SLC12A8: variants seen among roughly 807,000 people sequenced by gnomAD.
The protein encoded by SLC12A8 is cation-chloride cotransporter 9.
A neutral mutation model predicts 75.6 loss-of-function variants in SLC12A8; 69 were observed. That is an observed-to-expected ratio of 0.91 (90% CI 0.75 to 1.11). The LOEUF is 1.11. Among genes scored for constraint, SLC12A8 ranks in the 50% most tolerant of loss-of-function variants. SLC12A8 has a pLI of 0.00. For synonymous variants in SLC12A8, 365 were observed against 372.8 expected (o/e 0.98, Z 0.24); for missense variants, 877 against 896.7 (o/e 0.98, Z 0.28).
At position 125,083,881 on chromosome 3, in the gene SLC12A8, G is replaced by C; in HGVS notation, c.*9C>G. 2 of 1,610,060 alleles carry C rather than the reference G, an allele frequency of 1.2e-6. No homozygotes were observed. The highest frequency in any genetic ancestry group is 1.7e-6 in the Non-Finnish European group (2 of 1,178,224). On this transcript the variant is annotated 3_prime_UTR_variant, in exon 14 of 14. Coordinates refer to ENST00000469902, the MANE Select transcript of SLC12A8 (RefSeq NM_024628.6). ...ACAGCTCCAAAAGAGGAAGGTCCCA[G>C]CACTGCATCTAGTAGTGAGGCATCA...
chr3:125,165,022 G>A (rs1415365354), intron 5 of SLC12A8, among the ~76,000 whole-genome samples: 1 of 152,218 alleles, frequency 6.6e-6, no homozygotes, highest in East Asian at 1.9e-4. Flanking sequence ...GCTGGGCCAG[G>A]AAGGTGGCTG....
chr3:125,182,397 G>T (rs559387722), intron 4 of SLC12A8, among the ~76,000 whole-genome samples: 2 of 151,878 alleles, frequency 1.3e-5, no homozygotes, highest in African/African-American at 4.8e-5. Context: ...TATACTATAC[G>T]ATATTAAGTA....
At chr3:125,141,287 C>T (rs142922339) in intron 5 of SLC12A8, among the ~76,000 whole-genome samples, 3 of 152,216 alleles carry the variant, frequency 2.0e-5, no homozygotes, top group Non-Finnish European at 4.4e-5. Context: ...ACCCGGAATT[C>T]GGGTAATTCA....
At chr3:125,090,078 T>G (rs1938549613) in intron 12 of SLC12A8, among the ~76,000 whole-genome samples, 1 of 152,132 alleles carries the variant, frequency 6.6e-6, no homozygotes, top group African/African-American at 2.4e-5. Flanking sequence ...TTTCTTTTTT[T>G]AATTTTTAAT....
chr3:125,146,881 C>T (rs1250817818), intron 5 of SLC12A8, among the ~76,000 whole-genome samples: 1 of 152,212 alleles, frequency 6.6e-6, no homozygotes, highest in East Asian at 1.9e-4. Context: ...ACAGGGAGGC[C>T]CTTCCTCCAC....
At chr3:125,161,916 C>A (rs1934184495) in intron 5 of SLC12A8, among the ~76,000 whole-genome samples, 1 of 152,272 alleles carries the variant, frequency 6.6e-6, no homozygotes, top group African/African-American at 2.4e-5. Flanking sequence ...TTCAAAGCCA[C>A]AGTTTCTTCT....
rs115042211 is a variant in SLC12A8, at chr3:125,194,161, C to T, written c.52-3640G>A. Among the ~76,000 whole-genome samples, 1,157 of 152,362 alleles carry T rather than the reference C, an allele frequency of 7.6e-3. 14 individuals carry two copies. The highest frequency in any genetic ancestry group is 0.026 in the African/African-American group (1,084 of 41,600). On this transcript the variant is annotated intron_variant, in intron 2 of 13. Transcript: ENST00000469902. ...CATGCCTGAGGGCAAGAGTCCTCTC[C>T]TCCCTGAAGACCCTCAGCCTGGCAG...
At chr3:125,200,988 C>T (rs1935108977) in intron 2 of SLC12A8, among the ~76,000 whole-genome samples, 1 of 152,206 alleles carries the variant, frequency 6.6e-6, no homozygotes, top group South Asian at 2.1e-4. Flanking sequence ...CGGATATCTG[C>T]AAACTGGGAA....
At chr3:125,122,169 A>G (rs2948805) in intron 6 of SLC12A8, among the ~76,000 whole-genome samples, 19,096 of 152,254 alleles carry the variant, frequency 0.13, 1,541 homozygotes, top group Admixed American at 0.17. Context: ...AACAGAACAC[A>G]TGGTATGATC....
At chr3:125,184,407 C>A (rs187666090) in intron 4 of SLC12A8, among the ~76,000 whole-genome samples, 2 of 152,296 alleles carry the variant, frequency 1.3e-5, no homozygotes, top group African/African-American at 4.8e-5. Context: ...TATTGGGACA[C>A]AACTATACCC....
Position 125,089,099 on chromosome 3 carries a change from A to G in SLC12A8, c.1922-729T>C, listed in dbSNP as rs1017482261. Among the ~76,000 whole-genome samples, 4 of 152,364 alleles carry G rather than the reference A, an allele frequency of 2.6e-5. No homozygotes were observed. In the East Asian group the frequency reaches 7.7e-4, roughly 29 times the overall value. On this transcript the variant is annotated intron_variant, in intron 12 of 13. Coordinates refer to ENST00000469902, the MANE Select transcript of SLC12A8 (RefSeq NM_024628.6). ...TAAATTATACATACATATGATTGAA[A>G]ATTGATTGATTAGATAATGTTCAAT...
At chr3:125,168,342 A>G (rs774506896) in intron 5 of SLC12A8, among the ~76,000 whole-genome samples, 49 of 152,294 alleles carry the variant, frequency 3.2e-4, no homozygotes, top group African/African-American at 1.0e-3. Context: ...GGCTAACTAA[A>G]GAGAGGAGTG....
intron 5 of SLC12A8, among the ~76,000 whole-genome samples, chr3:125,145,977 C>T (rs149340273): frequency 6.8e-4 from 104 of 152,242 alleles, no homozygotes; most frequent in African/African-American, 2.2e-3. Context: ...AACAGGCTGG[C>T]GCCACCATGC....
At chr3:125,152,204 G>C (rs940995857) in intron 5 of SLC12A8, among the ~76,000 whole-genome samples, 1 of 152,220 alleles carries the variant, frequency 6.6e-6, no homozygotes, top group Non-Finnish European at 1.5e-5. Context: ...GCTTCAAGTA[G>C]AAATTTGAGG....
At chr3:125,202,630 GTTTT>G (rs543411392) in intron 2 of SLC12A8, among the ~76,000 whole-genome samples, 9,912 of 147,586 alleles carry the variant, frequency 0.067, 399 homozygotes, top group African/African-American at 0.11. Flanking sequence ...TATTAACCAT[GTTTT>G]TTTTTTTTTT....
intron 8 of SLC12A8, among the ~76,000 whole-genome samples, chr3:125,112,116 G>T (rs1315583471): frequency 6.6e-6 from 1 of 152,174 alleles, no homozygotes; most frequent in African/African-American, 2.4e-5. Flanking sequence ...CACAATGGGG[G>T]TACTCTCTCC....
chr3:125,154,170 C>A (rs1228472554), intron 5 of SLC12A8, among the ~76,000 whole-genome samples: 3 of 152,338 alleles, frequency 2.0e-5, no homozygotes, highest in South Asian at 2.1e-4. Context: ...TCTCCCAGTG[C>A]AAAATACTTT....
chr3:125,135,704 A>G lies in SLC12A8; in HGVS notation c.701T>C (p.Phe234Ser). 6.2e-7 allele frequency: 1 copy of G among 1,608,356 alleles called. No homozygotes were observed. Among genetic ancestry groups the G allele is most frequent in the South Asian group, 1.1e-5 (1 of 90,058 alleles). The change falls in exon 6 of 14, where the codon TTC becomes TCC. Residue 234 changes from phenylalanine to serine, a missense_variant. Phe to Ser is a radical substitution (Grantham distance 155). Transcript: ENST00000469902. Reference sequence around the variant, plus strand: ...TGGGAAGAAAACCCCAAAGACAGTGAAAAAAGATTCCCCCGGGCTGTAATC... The same window carrying G: ...TGGGAAGAAAACCCCAAAGACAGTGGAAAAAGATTCCCCCGGGCTGTAATC... ...LPDYSPGESFFTVFGVFFPAA... is the reference protein window; with the variant it reads ...LPDYSPGESFSTVFGVFFPAA...
intron 4 of SLC12A8, among the ~76,000 whole-genome samples, chr3:125,183,965 T>TTA (rs1934720063): frequency 2.0e-5 from 3 of 150,660 alleles, no homozygotes; most frequent in African/African-American, 7.4e-5. Context: ...TGTTTTACTT[T>TTA]TTATTATTAT....
Sources: allele counts gnomAD v4.1 joint callset (sites outside exome capture counted in the v4.1 genomes callset), GRCh38; gene constraint gnomAD v4.1.1; transcripts MANE v1.5; gene names NCBI Gene and HGNC (gene_info 2026-07-23, HGNC 2026-07-21).